The following DPF3 variants were observed in gnomAD, a reference collection of about 807,000 sequenced individuals.
DPF3 encodes the protein double PHD fingers 3.
Under a neutral mutation model 56.8 loss-of-function variants are expected in DPF3, and 18 were observed. That is an observed-to-expected ratio of 0.32 (90% CI 0.22 to 0.47). The LOEUF is 0.47. Among genes scored for constraint, DPF3 ranks in the 20% least tolerant of loss-of-function variants. The pLI, the probability that DPF3 is intolerant of heterozygous loss-of-function variation, is 1.00. For synonymous variants in DPF3, 188 were observed against 180.2 expected (o/e 1.04, Z -0.35); for missense variants, 403 against 488.8 (o/e 0.82, Z 1.65).
intron 7 of DPF3, chr14:72,679,192 T>C (rs1887046389): frequency 6.6e-6 from 1 of 152,206 alleles, no homozygotes. Flanking sequence ...GGATCTCCGC[T>C]GTGGTGTGCC....
intron 3 of DPF3, among the ~76,000 whole-genome samples, chr14:72,740,742 A>G (rs1890090644): frequency 6.6e-6 from 1 of 152,244 alleles, no homozygotes. Flanking sequence ...CAGGTGTAGT[A>G]AAAGCAGAGA....
At chr14:72,741,883 ACCGTGGACACTCAGCAGCAG>A (rs1253888458) in intron 3 of DPF3, among the ~76,000 whole-genome samples, 88 of 152,258 alleles carry the variant, frequency 5.8e-4, no homozygotes, top group Non-Finnish European at 9.3e-4. Flanking sequence ...GCAAAACATG[ACCGTGGACACTCAGCAGCAG>A]CCGTGCCACT....
chr14:72,853,234 T>G (rs1599497110), intron 1 of DPF3: 1 of 151,648 alleles, frequency 6.6e-6, no homozygotes, highest in Admixed American at 6.6e-5. Flanking sequence ...TTAAGACTAG[T>G]CAAGAGCAGC....
chr14:72,714,563 T>C, intron 5 of DPF3, 62 bp from the exon 6 acceptor site: 6 of 1,580,254 alleles, frequency 3.8e-6, no homozygotes, highest in African/African-American at 1.3e-5. Flanking sequence ...CTCCGGAGCA[T>C]GCGCTCTGCG....
chr14:72,803,478 C>A (rs1234082364), intron 1 of DPF3, among the ~76,000 whole-genome samples: 1 of 152,198 alleles, frequency 6.6e-6, no homozygotes, highest in Non-Finnish European at 1.5e-5. Context: ...AGGTTGTTGC[C>A]TGGTGATGGC....
chr14:72,837,049 T>C (rs1884326472), intron 1 of DPF3, among the ~76,000 whole-genome samples: 1 of 151,814 alleles, frequency 6.6e-6, no homozygotes. Flanking sequence ...TTTGTGTTTT[T>C]TAGTAGAGAC....
At chr14:72,707,335 T>C (rs1453267480) in intron 6 of DPF3, among the ~76,000 whole-genome samples, 3 of 152,156 alleles carry the variant, frequency 2.0e-5, no homozygotes, top group African/African-American at 7.2e-5. Context: ...CCTTTGGGTA[T>C]ATACCCAGTA....
chr14:72,807,226 T>A (rs896744516), intron 1 of DPF3, among the ~76,000 whole-genome samples: 3 of 152,236 alleles, frequency 2.0e-5, no homozygotes, highest in African/African-American at 7.2e-5. Flanking sequence ...AATGTCTTAC[T>A]TATGCCCTTG....
intron 3 of DPF3, among the ~76,000 whole-genome samples, chr14:72,741,360 TCA>T (rs1223257118): frequency 1.3e-5 from 2 of 152,192 alleles, no homozygotes; most frequent in African/African-American, 4.8e-5. Flanking sequence ...TTGTCCAAAA[TCA>T]CACAGCCAGT....
intron 5 of DPF3, among the ~76,000 whole-genome samples, chr14:72,718,085 G>A (rs140461923): frequency 7.2e-4 from 110 of 152,274 alleles, no homozygotes; most frequent in African/African-American, 2.6e-3. Flanking sequence ...ATACATTCAG[G>A]AGCCTTATGG....
At chr14:72,769,970 T>C (rs1183611381) in intron 2 of DPF3, among the ~76,000 whole-genome samples, 1 of 152,162 alleles carries the variant, frequency 6.6e-6, no homozygotes, top group Non-Finnish European at 1.5e-5. Flanking sequence ...ACTAAAATTT[T>C]AATGAGGGAA....
chr14:72,677,106 G>A (rs562252944), intron 7 of DPF3, among the ~76,000 whole-genome samples: 1 of 152,348 alleles, frequency 6.6e-6, no homozygotes, highest in African/African-American at 2.4e-5. Context: ...TCCTGTCCAA[G>A]GGGTGAGGGA....
At chr14:72,714,339 CG>C in intron 6 of DPF3, 83 bp downstream of exon 6, 1 of 1,547,194 alleles carries the variant, frequency 6.5e-7, no homozygotes, top group Non-Finnish European at 8.8e-7. Context: ...GGTTGGCAGG[CG>C]GATGGCCAAG....
intron 3 of DPF3, among the ~76,000 whole-genome samples, chr14:72,750,929 G>A (rs1890547634): frequency 6.6e-6 from 1 of 151,790 alleles, no homozygotes. Context: ...AGTAGCTCCT[G>A]CCTGTAATCT....
At chr14:72,797,389 G>A (rs955057930) in intron 1 of DPF3, among the ~76,000 whole-genome samples, 1 of 152,180 alleles carries the variant, frequency 6.6e-6, no homozygotes, top group Non-Finnish European at 1.5e-5. Context: ...TAAGCTTTAT[G>A]GTGTTTTGGT....
At chr14:72,799,613 C>G (rs886537181) in intron 1 of DPF3, among the ~76,000 whole-genome samples, 1 of 151,834 alleles carries the variant, frequency 6.6e-6, no homozygotes, top group South Asian at 2.1e-4. Context: ...GCACTCCAAC[C>G]TGGGCAACAG....
intron 7 of DPF3, among the ~76,000 whole-genome samples, chr14:72,692,043 T>G (rs1567202104): frequency 6.6e-6 from 1 of 152,210 alleles, no homozygotes; most frequent in Non-Finnish European, 1.5e-5. Flanking sequence ...AAGAATGGTC[T>G]TGGCCACAGG....
chr14:72,660,522 G>A (rs1479746451), intron 8 of DPF3, among the ~76,000 whole-genome samples: 2 of 152,198 alleles, frequency 1.3e-5, no homozygotes, highest in Non-Finnish European at 2.9e-5. Flanking sequence ...AGCCTACCCC[G>A]GGGGTTCCAG....
intron 1 of DPF3, among the ~76,000 whole-genome samples, chr14:72,823,886 C>G (rs77839845): frequency 6.6e-6 from 1 of 152,142 alleles, no homozygotes; most frequent in Non-Finnish European, 1.5e-5. Flanking sequence ...TTAGGGAGCT[C>G]AGAAAATGCT....
Sources: gnomAD v4.1 joint callset for allele counts (sites outside exome capture counted in the v4.1 genomes callset) on GRCh38, gnomAD v4.1.1 for gene constraint, MANE v1.5 for transcripts, NCBI Gene and HGNC (gene_info 2026-07-23, HGNC 2026-07-21) for gene names.